The following CLIP4 variants were observed in gnomAD, a reference collection of about 807,000 sequenced individuals.
The protein encoded by CLIP4 is CAP-Gly domain containing linker protein family member 4.
CLIP4 carries 47 observed loss-of-function variants against 73.1 expected under a neutral mutation model. The ratio of observed to expected loss-of-function variants is 0.64; its 90% CI spans 0.51 to 0.82. The LOEUF (loss-of-function observed/expected upper bound fraction) is 0.82, where lower values mean the gene tolerates loss of function less well. Ranked by LOEUF, CLIP4 falls within the 40% of genes least tolerant of loss-of-function variation. CLIP4 has a pLI of 0.00. For missense variants in CLIP4, 874 were observed against 852.9 expected (o/e 1.02, Z -0.31); for synonymous variants, 306 against 295.4 (o/e 1.04, Z -0.37).
chr2:29,153,396 T>G (rs980620054), intron 9 of CLIP4, among the ~76,000 whole-genome samples: 1 of 152,188 alleles, frequency 6.6e-6, no homozygotes, highest in African/African-American at 2.4e-5. Context: ...TGTGCAGTAA[T>G]TTGACTTCTG....
intron 1 of CLIP4, among the ~76,000 whole-genome samples, chr2:29,102,290 C>T (rs1465318122): frequency 6.6e-6 from 1 of 152,158 alleles, no homozygotes; most frequent in Non-Finnish European, 1.5e-5. Flanking sequence ...ATTGCTTATT[C>T]AGGTCATCAA....
At chr2:29,160,212 A>C (rs976139818) in intron 11 of CLIP4, 121 bp from the exon 12 acceptor site, 4 of 1,218,378 alleles carry the variant, frequency 3.3e-6, no homozygotes, top group Non-Finnish European at 4.7e-6. Context: ...ATCACCAACT[A>C]ACTAGACTAG....
chr2:29,143,982 G>T, intron 7 of CLIP4, 37 bp downstream of exon 7: 1 of 1,561,616 alleles, frequency 6.4e-7, no homozygotes, highest in Non-Finnish European at 8.8e-7. Context: ...AGCCAGGGTT[G>T]TTATGTCCAT....
At chr2:29,150,820 A>T (rs567605719) in intron 8 of CLIP4, among the ~76,000 whole-genome samples, 1 of 152,002 alleles carries the variant, frequency 6.6e-6, no homozygotes, top group East Asian at 1.9e-4. Flanking sequence ...GGGTTTCACC[A>T]TGTTGGCCAG....
intron 2 of CLIP4, among the ~76,000 whole-genome samples, chr2:29,125,908 C>G (rs1415673090): frequency 6.6e-6 from 1 of 152,228 alleles, no homozygotes; most frequent in Non-Finnish European, 1.5e-5. Flanking sequence ...GGCTTGGTAG[C>G]TCACACTTGT....
intron 6 of CLIP4, among the ~76,000 whole-genome samples, chr2:29,137,767 T>C (rs549088459): frequency 6.6e-6 from 1 of 152,274 alleles, no homozygotes; most frequent in Non-Finnish European, 1.5e-5. Context: ...CTCTGATGAT[T>C]AGTGACGTTG....
At chr2:29,109,852 GT>G (rs1668338320) in intron 1 of CLIP4, among the ~76,000 whole-genome samples, 1 of 152,118 alleles carries the variant, frequency 6.6e-6, no homozygotes, top group South Asian at 2.1e-4. Flanking sequence ...GAGGTCAATA[GT>G]TCAAGACCAG....
At chr2:29,147,708 A>G (rs1227251729) in intron 8 of CLIP4, among the ~76,000 whole-genome samples, 4 of 152,098 alleles carry the variant, frequency 2.6e-5, no homozygotes, top group South Asian at 2.1e-4. Flanking sequence ...AGAACATTCA[A>G]AATCCTCTCT....
At chr2:29,176,433 G>C (rs996982074) in intron 15 of CLIP4, among the ~76,000 whole-genome samples, 21 of 152,192 alleles carry the variant, frequency 1.4e-4, no homozygotes, top group African/African-American at 4.3e-4. Flanking sequence ...GGACATTCTT[G>C]GGTAGAAACT....
At chr2:29,108,315 A>G (rs78788483) in intron 1 of CLIP4, among the ~76,000 whole-genome samples, 9,192 of 152,234 alleles carry the variant, frequency 0.06, 788 homozygotes, top group African/African-American at 0.19. Flanking sequence ...GAACACAAGC[A>G]CTGGATGGCC....
At position 29,156,436 on chromosome 2, in the gene CLIP4, GA is replaced by G; in HGVS notation, c.1251del (p.Asp418MetfsTer37). 6.4e-7 allele frequency: 1 copy of G among 1,570,904 alleles called. No individual in the cohort carries two copies. The part of the protein sequence containing the change: ...PGEELKTVTE[K>X]DVALLGSVSS... ...GTGAAGAACTTAAAACTGTGACAGA[GA>G]AAGATGGTAATATACCTTGTAACCT... On this transcript the variant is annotated frameshift_variant, in exon 10 of 16. Transcript: ENST00000320081. LOFTEE classifies it high-confidence loss of function.
chr2:29,131,014 C>A, intron 2 of CLIP4: 2 of 946,592 alleles, frequency 2.1e-6, no homozygotes, highest in Non-Finnish European at 2.9e-6. Flanking sequence ...TTAGTCTGAG[C>A]TTTGCTTTCC....
Position 29,131,275 on chromosome 2 carries a change from C to T in CLIP4, c.151C>T (p.Pro51Ser), listed in dbSNP as rs1336979812. 1 of 1,601,846 alleles carries T rather than the reference C, an allele frequency of 6.2e-7. No individual in the cohort carries two copies. The highest frequency in any genetic ancestry group is 8.5e-7 in the Non-Finnish European group (1 of 1,175,408). Reference sequence around the variant, plus strand: ...TATTTCAGAATTTTCTTTCTTTGATCCTAATGATGCATCATGCCAGGAAAT... The same window carrying T: ...TATTTCAGAATTTTCTTTCTTTGATTCTAATGATGCATCATGCCAGGAAAT... ...PSDCEFSFFD[P>S]NDASCQEILF... is the part of the protein sequence containing the mutation. Residue 51 changes from proline (P) to serine (S), a missense_variant, in exon 3 of 16, where the codon CCT becomes TCT. Transcript: ENST00000320081.
chr2:29,150,067 T>G (rs1377232830), intron 8 of CLIP4, among the ~76,000 whole-genome samples: 1 of 152,166 alleles, frequency 6.6e-6, no homozygotes, highest in East Asian at 1.9e-4. Flanking sequence ...TAAGTTAAAA[T>G]GAAATAGCTC....
chr2:29,119,149 T>C (rs1383403895), intron 1 of CLIP4, among the ~76,000 whole-genome samples: 1 of 152,200 alleles, frequency 6.6e-6, no homozygotes, highest in Non-Finnish European at 1.5e-5. Flanking sequence ...ACTGCATTGG[T>C]CAGGTAATAT....
intron 8 of CLIP4, among the ~76,000 whole-genome samples, chr2:29,148,284 C>G (rs1185285224): frequency 6.6e-6 from 1 of 152,212 alleles, no homozygotes; most frequent in Non-Finnish European, 1.5e-5. Context: ...CAATGGTTTT[C>G]TCTCTTTCCA....
intron 12 of CLIP4, 23 bp downstream of exon 12, chr2:29,160,490 T>TA: frequency 6.2e-7 from 1 of 1,611,882 alleles, no homozygotes; most frequent in Non-Finnish European, 8.5e-7. Flanking sequence ...CATATTTTCT[T>TA]AACTTGAATT....
chr2:29,146,068 CAAT>C (rs934716994), intron 8 of CLIP4, among the ~76,000 whole-genome samples: 13 of 152,288 alleles, frequency 8.5e-5, no homozygotes, highest in African/African-American at 2.9e-4. Flanking sequence ...GGAATTGTCT[CAAT>C]GATGTTTTTG....
At chr2:29,159,683 TAAAAAAAA>T (rs56927221) in intron 11 of CLIP4, among the ~76,000 whole-genome samples, 26,149 of 114,476 alleles carry the variant, frequency 0.23, 3,222 homozygotes, top group Middle Eastern at 0.33. Flanking sequence ...CCTGTTTCTT[TAAAAAAAA>T]AAAAAAAAAA....
Sources: gnomAD v4.1 joint callset for allele counts (sites outside exome capture counted in the v4.1 genomes callset) on GRCh38, gnomAD v4.1.1 for gene constraint, MANE v1.5 for transcripts, NCBI Gene and HGNC (gene_info 2026-07-23, HGNC 2026-07-21) for gene names.